Variants in GPC5 observed in about 807,000 individuals in gnomAD.
The protein encoded by GPC5 is glypican-5.
A neutral mutation model predicts 53.9 loss-of-function variants in GPC5; 47 were observed. The ratio of observed to expected loss-of-function variants is 0.87; its 90% CI spans 0.69 to 1.11. GPC5 has a LOEUF of 1.11. Ranked by LOEUF, GPC5 falls within the 50% of genes most tolerant of loss-of-function variation. The pLI is 0.00. For missense variants in GPC5, 748 were observed against 713.1 expected, an observed-to-expected ratio of 1.05 and a Z score of -0.56; for synonymous variants, 286 against 263.3, an observed-to-expected ratio of 1.09 and a Z score of -0.84.
In GPC5 at chr13:91,398,925, C is replaced by T. The variant is rs1235133559; in HGVS notation, c.-122C>T. ...CGGTGCCCGCGGGCGGTCCGTACAC[C>T]CCGCAGCCGGCTCGCACCGCTCGAG... On this transcript the variant is annotated 5_prime_UTR_variant, in exon 1 of 8. Coordinates refer to ENST00000377067, the MANE Select transcript of GPC5 (RefSeq NM_004466.6). 2 of 1,327,176 alleles carry T rather than the reference C, an allele frequency of 1.5e-6. No homozygotes were observed. The highest frequency in any genetic ancestry group is 5.5e-5 in the Admixed American group (2 of 36,224). The allele number at this position is 1,327,176 out of a possible 1,614,324, so 82.2% of individuals were successfully genotyped here.
chr13:92,377,003 C>A (rs2043700126), intron 7 of GPC5, among the ~76,000 whole-genome samples: 1 of 150,108 alleles, frequency 6.7e-6, no homozygotes, highest in Non-Finnish European at 1.5e-5. Context: ...TGACCGAGTG[C>A]AACTCCATCT....
intron 7 of GPC5, among the ~76,000 whole-genome samples, chr13:92,859,339 T>A (rs563592557): frequency 6.6e-6 from 1 of 152,312 alleles, no homozygotes; most frequent in East Asian, 1.9e-4. Flanking sequence ...TAATGTTTTG[T>A]TCTGTTAACA....
intron 2 of GPC5, among the ~76,000 whole-genome samples, chr13:91,508,258 A>G (rs544243937): frequency 6.6e-6 from 1 of 152,348 alleles, no homozygotes; most frequent in South Asian, 2.1e-4. Context: ...ATGCTAATAT[A>G]AAATTAGACT....
rs142412945 is a variant in GPC5 at position 91,827,234 on chromosome 13, A to G, written c.1280+70814A>G. Among the ~76,000 whole-genome samples the G allele has an allele frequency of 3.9e-3, 590 of 152,100 alleles. 3 individuals carry two copies. Among genetic ancestry groups the G allele is most frequent in the South Asian group, 0.011 (53 of 4,824 alleles). ...ATGTATCAATAGAAATTATTTAAAAATGTATAAAACCTATAAAGCTTTTAA... is the reference window on the plus strand; with the variant it reads ...ATGTATCAATAGAAATTATTTAAAAGTGTATAAAACCTATAAAGCTTTTAA... On this transcript the variant is annotated intron_variant, in intron 5 of 7. Coordinates refer to ENST00000377067, the MANE Select transcript of GPC5 (RefSeq NM_004466.6).
chr13:91,493,420 A>G (rs548546554), intron 2 of GPC5, among the ~76,000 whole-genome samples: 15 of 152,188 alleles, frequency 9.9e-5, no homozygotes, highest in South Asian at 6.2e-4. Context: ...CTGTTGTTCT[A>G]TAAAATACTA....
intron 7 of GPC5, among the ~76,000 whole-genome samples, chr13:92,526,179 A>G (rs1203976929): frequency 3.3e-5 from 5 of 152,174 alleles, no homozygotes; most frequent in Non-Finnish European, 1.5e-5. Flanking sequence ...GTTCCACAGT[A>G]TGGAATTATA....
At chr13:92,137,449 T>A (rs1048841952) in intron 6 of GPC5, among the ~76,000 whole-genome samples, 2 of 152,176 alleles carry the variant, frequency 1.3e-5, no homozygotes, top group African/African-American at 4.8e-5. Flanking sequence ...ATGGGTTCTC[T>A]CCTCCAATAC....
chr13:91,656,537 A>C (rs947463924), intron 2 of GPC5, among the ~76,000 whole-genome samples: 13 of 152,202 alleles, frequency 8.5e-5, no homozygotes, highest in Non-Finnish European at 1.9e-4. Context: ...AGCATAAAGT[A>C]AGATAAATGT....
chr13:92,540,145 T>C (rs1881887480), intron 7 of GPC5, among the ~76,000 whole-genome samples: 1 of 151,974 alleles, frequency 6.6e-6, no homozygotes, highest in South Asian at 2.1e-4. Flanking sequence ...TAGATTAAAA[T>C]AAACCAAAAA....
At chr13:92,432,948 T>C (rs1263252738) in intron 7 of GPC5, among the ~76,000 whole-genome samples, 1 of 152,094 alleles carries the variant, frequency 6.6e-6, no homozygotes, top group African/African-American at 2.4e-5. Context: ...TGCAACTAGG[T>C]GAGCTTATTA....
chr13:92,352,768 C>A (rs2043489862), intron 7 of GPC5, among the ~76,000 whole-genome samples: 1 of 152,060 alleles, frequency 6.6e-6, no homozygotes, highest in South Asian at 2.1e-4. Context: ...CATTAGTAAA[C>A]CAGTTTTGAA....
intron 6 of GPC5, among the ~76,000 whole-genome samples, chr13:91,942,233 G>T (rs2039934065): frequency 6.6e-6 from 1 of 151,898 alleles, no homozygotes; most frequent in South Asian, 2.1e-4. Context: ...ACTAAAAAAG[G>T]TACCATTTTT....
chr13:92,537,253 G>C (rs1001943821), intron 7 of GPC5, among the ~76,000 whole-genome samples: 1 of 152,086 alleles, frequency 6.6e-6, no homozygotes, highest in Non-Finnish European at 1.5e-5. Flanking sequence ...AAGCATCTGT[G>C]AAAGAAAATT....
chr13:92,524,045 G>T (rs938687866), intron 7 of GPC5, among the ~76,000 whole-genome samples: 6 of 152,104 alleles, frequency 3.9e-5, no homozygotes, highest in African/African-American at 1.4e-4. Flanking sequence ...AGTGGTGGTT[G>T]ATGCTAATTG....
intron 6 of GPC5, among the ~76,000 whole-genome samples, chr13:92,116,106 A>G (rs941734289): frequency 6.6e-6 from 1 of 152,116 alleles, no homozygotes; most frequent in African/African-American, 2.4e-5. Context: ...CAGAAAAAAA[A>G]TAAGTGTGGT....
chr13:91,845,190 T>C (rs2038834135), intron 5 of GPC5, among the ~76,000 whole-genome samples: 1 of 132,664 alleles, frequency 7.5e-6, no homozygotes. Context: ...TGAGATTCTT[T>C]ATGTTTCTAT....
intron 7 of GPC5, chr13:92,490,042 ACT>A (rs1216846816): frequency 6.5e-6 from 1 of 152,866 alleles, no homozygotes; most frequent in Non-Finnish European, 1.5e-5. Flanking sequence ...CTGTTTACAT[ACT>A]CTTCTTGTGC....
intron 5 of GPC5, among the ~76,000 whole-genome samples, chr13:91,818,224 A>G (rs192158067): frequency 5.3e-5 from 8 of 152,160 alleles, no homozygotes; most frequent in Non-Finnish European, 8.8e-5. Flanking sequence ...CCTCCTAAGA[A>G]CTCTAATTCC....
At position 92,068,659 on chromosome 13, in the gene GPC5, G is replaced by T. The variant is rs553253466; in HGVS notation, c.1402-76171G>T. ...AAATATTCCATTCTATTCCTAGTTT[G>T]CATATTAAAAAATATTTTCTGTATC... On this transcript the variant is annotated intron_variant, in intron 6 of 7. Transcript: ENST00000377067. Among the ~76,000 whole-genome samples, 5 of 150,764 alleles carry T rather than the reference G, an allele frequency of 3.3e-5. 1 individual carries two copies. The highest frequency in any genetic ancestry group is 1.2e-4 in the African/African-American group (5 of 41,088).
Sources: allele counts gnomAD v4.1 joint callset (sites outside exome capture counted in the v4.1 genomes callset), GRCh38; gene constraint gnomAD v4.1.1; transcripts MANE v1.5; gene names NCBI Gene and HGNC (gene_info 2026-07-23, HGNC 2026-07-21).